TTLL8: variants seen among roughly 807,000 people sequenced by gnomAD.
TTLL8 encodes the protein tubulin tyrosine ligase like 8, also known as protein monoglycylase TTLL8.
Under a neutral mutation model 77.8 loss-of-function variants are expected in TTLL8, and 65 were observed. The observed-to-expected ratio is 0.84, with a 90% CI of 0.68 to 1.03. The LOEUF (loss-of-function observed/expected upper bound fraction) is 1.03, where lower values mean the gene tolerates loss of function less well. TTLL8 is among the 50% of genes least tolerant of loss of function. TTLL8 has a pLI of 0.00. For missense variants in TTLL8, 910 were observed against 1,004.5 expected, an observed-to-expected ratio of 0.91 and a Z score of 1.27; for synonymous variants, 402 against 422.8, an observed-to-expected ratio of 0.95 and a Z score of 0.60.
intron 12 of TTLL8, among the ~76,000 whole-genome samples, chr22:50,019,117 T>C (rs2061181394): frequency 6.6e-6 from 1 of 152,210 alleles, no homozygotes; most frequent in Admixed American, 6.5e-5. Flanking sequence ...CAGGTGGGTA[T>C]AAGTGTGACT....
In TTLL8 at chr22:50,041,984, T is replaced by C. The variant is rs951850618; in HGVS notation, c.644-177A>G. Among the ~76,000 whole-genome samples, 2 of 152,220 alleles carry C rather than the reference T, an allele frequency of 1.3e-5. No homozygotes were observed. The highest frequency in any genetic ancestry group is 4.8e-5 in the African/African-American group (2 of 41,462). On this transcript the variant is annotated intron_variant, in intron 6 of 13. Coordinates refer to ENST00000266182, the Ensembl canonical transcript of TTLL8. The surrounding 1 kb of genome is among the most constrained non-coding windows in gnomAD (Gnocchi z 4.3). ...ACCCCAATACCCAACCAAGCTTCTC[T>C]GGGCAACCGCCCTGGATGTCACGCC...
chr22:50,032,003 C>G, exon 11 of TTLL8: 1 of 1,366,608 alleles, frequency 7.3e-7, no homozygotes, highest in Non-Finnish European at 9.8e-7. Context: ...TGCAGGTACT[C>G]CTGGAACCTG....
intron 5 of TTLL8, 89 bp from the exon 8 acceptor site, chr22:50,045,478 G>T (rs574242303): frequency 4.3e-6 from 5 of 1,157,288 alleles, no homozygotes; most frequent in African/African-American, 1.6e-5. Context: ...TCCCCAACCC[G>T]CCCCACTTCC....
chr22:50,025,950 A>G (rs978478048), intron 12 of TTLL8, among the ~76,000 whole-genome samples: 1 of 152,216 alleles, frequency 6.6e-6, no homozygotes, highest in African/African-American at 2.4e-5. Context: ...AAAACGCCAC[A>G]ACCATATTGG....
At chr22:50,033,853 G>A (rs746853975) in intron 9 of TTLL8, among the ~76,000 whole-genome samples, 54 of 152,176 alleles carry the variant, frequency 3.5e-4, no homozygotes, top group Non-Finnish European at 6.2e-4. Context: ...TGGCCAACAT[G>A]GTGAAACTCC....
exon 11 of TTLL8, chr22:50,031,769 A>G: frequency 7.3e-7 from 1 of 1,365,412 alleles, no homozygotes; most frequent in Non-Finnish European, 9.8e-7. Flanking sequence ...ACCTGTGCAC[A>G]CAGCTGGGCC....
At position 50,045,971 on chromosome 22, in the gene TTLL8, C is replaced by A; in HGVS notation, c.394-1G>T. The stretch of plus-strand genomic sequence containing the variant: ...TCCGCATGTTCACGCACAGCCCGAT[C>A]TCCAGAGACAGTGGCGTGTTAGGCA... On this transcript the variant is annotated splice_acceptor_variant, in intron 4 of 13. Transcript: ENST00000266182. LOFTEE classifies it high-confidence loss of function. The A allele has an allele frequency of 7.4e-7, 1 of 1,351,180 alleles. No individual in the cohort carries two copies. The allele number at this position is 1,351,180 out of a possible 1,614,324, so 83.7% of individuals were successfully genotyped here.
rs145507079 is a variant in TTLL8 at position 50,051,975 on chromosome 22, C to T, written c.52-1728G>A. Among the ~76,000 whole-genome samples, 56 of 152,274 alleles carry T rather than the reference C, an allele frequency of 3.7e-4. 1 individual carries two copies. In the East Asian group the frequency reaches 5.4e-3, roughly 15 times the overall value. On this transcript the variant is annotated intron_variant, in intron 1 of 13. Transcript: ENST00000266182. ...ACACCCAGGCACACAGCGGACGAAG[C>T]GGCACAATTACAGCTGTAGCTGGGA...
At chr22:50,024,610 T>C (rs957634166) in intron 12 of TTLL8, among the ~76,000 whole-genome samples, 7 of 152,170 alleles carry the variant, frequency 4.6e-5, no homozygotes, top group African/African-American at 1.7e-4. Context: ...CACAGGAAAA[T>C]CTAAATTTAA....
chr22:50,020,772 T>C (rs71316572), intron 12 of TTLL8, among the ~76,000 whole-genome samples: 116 of 132,438 alleles, frequency 8.8e-4, no homozygotes, highest in African/African-American at 3.2e-3. Context: ...GTGTACTCCT[T>C]CATCTGACGT....
At chr22:50,018,828 C>T (rs2061180183) in intron 12 of TTLL8, among the ~76,000 whole-genome samples, 37 bp from the exon 14 acceptor site, 1 of 152,226 alleles carries the variant, frequency 6.6e-6, no homozygotes, top group Non-Finnish European at 1.5e-5. Flanking sequence ...AAAAGCTCAT[C>T]CGAACGTCCC....
At chr22:50,055,402 C>T, upstream of TTLL8, 1 of 1,147,306 alleles carries the variant, frequency 8.7e-7, no homozygotes, top group South Asian at 1.3e-5. Flanking sequence ...GCCTGTAATC[C>T]CAGCACTGTG....
intron 2 of TTLL8, 118 bp from the exon 5 acceptor site, chr22:50,049,440 G>T: frequency 1.8e-6 from 2 of 1,104,110 alleles, no homozygotes; most frequent in Non-Finnish European, 2.5e-6. Flanking sequence ...CCTGGCTCCA[G>T]ATGGGGCCTT....
upstream of TTLL8, chr22:50,056,716 A>C (rs2061472742): frequency 6.3e-5 from 62 of 982,312 alleles, no homozygotes; most frequent in Non-Finnish European, 7.3e-5. The surrounding 1 kb of genome is among the most constrained non-coding windows in gnomAD (Gnocchi z 4.1). Flanking sequence ...CTCCGCCTGG[A>C]CCGTCCAAGA....
At chr22:50,025,280 C>CAA (rs111507174) in intron 12 of TTLL8, among the ~76,000 whole-genome samples, 12,924 of 125,950 alleles carry the variant, frequency 0.1, 987 homozygotes, top group Non-Finnish European at 0.15. Flanking sequence ...GCAAAAACTC[C>CAA]AAAAAAAAAA....
chr22:50,048,102 A>AC (rs951700211), intron 3 of TTLL8, among the ~76,000 whole-genome samples: 3 of 139,188 alleles, frequency 2.2e-5, no homozygotes, highest in East Asian at 2.1e-4. Flanking sequence ...ATCTGAAAAC[A>AC]CCCCCCCAAA....
intron 8 of TTLL8, among the ~76,000 whole-genome samples, chr22:50,035,214 C>T (rs1462494140): frequency 1.3e-5 from 2 of 152,164 alleles, no homozygotes; most frequent in African/African-American, 2.4e-5. Context: ...GTGGGGACCC[C>T]ATGACGTCCT....
intron 12 of TTLL8, among the ~76,000 whole-genome samples, chr22:50,029,758 C>A (rs1182333528): frequency 4.6e-5 from 7 of 151,948 alleles, no homozygotes; most frequent in Admixed American, 4.6e-4. Context: ...AAGACCCTCT[C>A]GTCATGCTGC....
At position 50,034,507 on chromosome 22, in the gene TTLL8, T is replaced by C; in HGVS notation, c.922-45A>G. ...GAATTGGAGATGAAAGCATCGCCAC[T>C]ACAAAGCAAGATCCAGAAAGTGCAT... On this transcript the variant is annotated intron_variant, in intron 8 of 13. Coordinates refer to ENST00000266182, the Ensembl canonical transcript of TTLL8. The surrounding 1 kb of genome is among the most constrained non-coding windows in gnomAD (Gnocchi z 4.1). The C allele has an allele frequency of 5.9e-6, 8 of 1,346,560 alleles. No homozygotes were observed. Among genetic ancestry groups the C allele is most frequent in the Non-Finnish European group, 6.9e-6 (7 of 1,013,034 alleles). The allele number at this position is 1,346,560 out of a possible 1,614,324, so 83.4% of individuals were successfully genotyped here.
Sources: gnomAD v4.1 joint callset for allele counts (sites outside exome capture counted in the v4.1 genomes callset) on GRCh38, gnomAD v4.1.1 for gene constraint, Gnocchi (gnomAD v3.1) non-coding constraint, MANE v1.5 for transcripts, NCBI Gene and HGNC (gene_info 2026-07-23, HGNC 2026-07-21) for gene names.